The following GRM8 variants were observed in gnomAD, a reference collection of about 807,000 sequenced individuals.
GRM8 encodes the protein glutamate metabotropic receptor 8.
GRM8 carries 47 observed loss-of-function variants against 87.2 expected under a neutral mutation model. The observed-to-expected ratio is 0.54, with a 90% CI of 0.43 to 0.69. GRM8 has a LOEUF of 0.69. GRM8 is among the 30% of genes least tolerant of loss of function. The pLI, the probability that GRM8 is intolerant of heterozygous loss-of-function variation, is 0.00. For missense variants in GRM8, 1,019 were observed against 1,139.2 expected (o/e 0.89, Z 1.52); for synonymous variants, 396 against 404.5 (o/e 0.98, Z 0.25).
At chr7:127,060,466 T>G (rs1344625881) in intron 3 of GRM8, among the ~76,000 whole-genome samples, 1 of 152,176 alleles carries the variant, frequency 6.6e-6, no homozygotes, top group African/African-American at 2.4e-5. Flanking sequence ...TTTTCACTGA[T>G]AGTTTATACA....
chr7:126,471,237 T>C (rs1805177811), intron 9 of GRM8, among the ~76,000 whole-genome samples: 1 of 152,226 alleles, frequency 6.6e-6, no homozygotes, highest in Non-Finnish European at 1.5e-5. Context: ...GCCATTGCTT[T>C]TAGTGTTTTA....
chr7:126,863,370 A>G (rs1192063356), intron 6 of GRM8, among the ~76,000 whole-genome samples: 1 of 152,112 alleles, frequency 6.6e-6, no homozygotes, highest in Non-Finnish European at 1.5e-5. Context: ...ACATTTTTCA[A>G]GTATTTACCA....
intron 2 of GRM8, among the ~76,000 whole-genome samples, chr7:127,176,130 C>A: frequency 6.6e-6 from 1 of 152,010 alleles, no homozygotes; most frequent in East Asian, 1.9e-4. Context: ...TGGATATAGA[C>A]AAGTTAAAAA....
intron 2 of GRM8, among the ~76,000 whole-genome samples, chr7:127,171,714 G>A (rs575698132): frequency 2.6e-4 from 39 of 152,234 alleles, no homozygotes; most frequent in Admixed American, 6.5e-4. Flanking sequence ...TATATAAACT[G>A]GAAACAAAAA....
At chr7:126,974,866 G>A (rs1325443157) in intron 3 of GRM8, among the ~76,000 whole-genome samples, 1 of 150,040 alleles carries the variant, frequency 6.7e-6, no homozygotes. Context: ...AACTCGGGAG[G>A]CGGAGCTTGC....
intron 3 of GRM8, among the ~76,000 whole-genome samples, chr7:126,986,850 T>C (rs1812124465): frequency 6.6e-6 from 1 of 152,232 alleles, no homozygotes; most frequent in African/African-American, 2.4e-5. Context: ...TGTATGACAA[T>C]ATTTATTTAA....
chr7:126,572,079 A>G (rs1794736730), intron 8 of GRM8, among the ~76,000 whole-genome samples: 1 of 152,160 alleles, frequency 6.6e-6, no homozygotes, highest in South Asian at 2.1e-4. Context: ...ACATAGCAGG[A>G]GAGGACAGAA....
intron 7 of GRM8, among the ~76,000 whole-genome samples, chr7:126,709,664 C>T (rs1810899732): frequency 6.6e-6 from 1 of 152,090 alleles, no homozygotes; most frequent in Non-Finnish European, 1.5e-5. Context: ...AGCAATCCCA[C>T]TTTGGGTATA....
At chr7:126,488,068 G>T (rs1807580616) in intron 9 of GRM8, among the ~76,000 whole-genome samples, 2 of 151,378 alleles carry the variant, frequency 1.3e-5, no homozygotes, top group Admixed American at 1.3e-4. Context: ...ATACTTTAAG[G>T]ATTAGAAGTT....
At chr7:126,711,817 T>C (rs995656277) in intron 7 of GRM8, among the ~76,000 whole-genome samples, 1 of 152,234 alleles carries the variant, frequency 6.6e-6, no homozygotes, top group African/African-American at 2.4e-5. Context: ...TTAAACCTCA[T>C]GAACCAACCT....
chr7:126,838,254 A>C (rs554290070), intron 6 of GRM8, among the ~76,000 whole-genome samples: 1 of 151,952 alleles, frequency 6.6e-6, no homozygotes, highest in South Asian at 2.1e-4. Flanking sequence ...TCTTGGGGGA[A>C]AAAAAAGACT....
At chr7:126,972,589 A>T (rs888018258) in intron 3 of GRM8, among the ~76,000 whole-genome samples, 1 of 152,004 alleles carries the variant, frequency 6.6e-6, no homozygotes, top group Non-Finnish European at 1.5e-5. Context: ...TTCTATCTGC[A>T]TTACAAATGC....
chr7:127,195,421 T>G (rs1462817432), intron 2 of GRM8, among the ~76,000 whole-genome samples: 1 of 152,146 alleles, frequency 6.6e-6, no homozygotes, highest in Non-Finnish European at 1.5e-5. Flanking sequence ...AGTTAAAAAT[T>G]AGCTAATAAT....
chr7:126,580,331 A>C (rs1666218531), intron 8 of GRM8, among the ~76,000 whole-genome samples: 1 of 151,580 alleles, frequency 6.6e-6, no homozygotes. Context: ...AAATTCCAAG[A>C]CTCCCTCTTT....
At chr7:127,103,851 G>A (rs1825560796) in intron 3 of GRM8, among the ~76,000 whole-genome samples, 1 of 152,144 alleles carries the variant, frequency 6.6e-6, no homozygotes, top group Non-Finnish European at 1.5e-5. Flanking sequence ...TTTACCAAGT[G>A]TCTCCTGGCC....
chr7:126,915,863 A>T (rs1266934151), intron 3 of GRM8, among the ~76,000 whole-genome samples: 1 of 152,214 alleles, frequency 6.6e-6, no homozygotes, highest in African/African-American at 2.4e-5. Flanking sequence ...CAGGATGAGG[A>T]ACAATTGGAG....
At chr7:126,887,309 C>T (rs1800588540) in intron 6 of GRM8, among the ~76,000 whole-genome samples, 1 of 152,076 alleles carries the variant, frequency 6.6e-6, no homozygotes, top group South Asian at 2.1e-4. Flanking sequence ...TGTAGTGAAT[C>T]TACTATCTTT....
At chr7:126,986,789 A>G (rs1028028828) in intron 3 of GRM8, among the ~76,000 whole-genome samples, 1 of 152,252 alleles carries the variant, frequency 6.6e-6, no homozygotes, top group Admixed American at 6.5e-5. Flanking sequence ...GACATAAGTC[A>G]TATCAAAGAC....
At chr7:127,015,708 C>T (rs1815595242) in intron 3 of GRM8, among the ~76,000 whole-genome samples, 1 of 152,044 alleles carries the variant, frequency 6.6e-6, no homozygotes, top group Admixed American at 6.6e-5. Flanking sequence ...TACAGAATAC[C>T]TGAGCTTTAC....
Sources: gnomAD v4.1 joint callset for allele counts (sites outside exome capture counted in the v4.1 genomes callset) on GRCh38, gnomAD v4.1.1 for gene constraint, MANE v1.5 for transcripts, NCBI Gene and HGNC (gene_info 2026-07-23, HGNC 2026-07-21) for gene names.